The following LARP4B variants were observed in gnomAD, a reference collection of about 807,000 sequenced individuals.
The protein encoded by LARP4B is La ribonucleoprotein 4B.
In LARP4B, 12 loss-of-function variants were observed where a neutral mutation model predicts 89.8. That is an observed-to-expected ratio of 0.13 (90% confidence interval 0.09 to 0.22). The LOEUF (loss-of-function observed/expected upper bound fraction) is 0.22, where lower values mean the gene tolerates loss of function less well. Ranked by LOEUF, LARP4B falls within the 10% of genes least tolerant of loss-of-function variation. The probability of loss-of-function intolerance (pLI) is 1.00; values close to 1 mark genes in which losing one functional copy is unlikely to be tolerated. For missense variants in LARP4B, 757 were observed against 947.7 expected (o/e 0.80, Z 2.64); for synonymous variants, 367 against 363.3 (o/e 1.01, Z -0.12).
chr10:984,472 T>C, the LARP4B span, among the ~76,000 whole-genome samples: 13 of 152,176 alleles, frequency 8.5e-5, no homozygotes, highest in Non-Finnish European at 1.5e-4. Context: ...AGTGTGTCAA[T>C]AGAATGACTC....
the LARP4B span, among the ~76,000 whole-genome samples, chr10:967,318 T>G: frequency 2.0e-5 from 3 of 151,874 alleles, no homozygotes; most frequent in Non-Finnish European, 4.4e-5. Context: ...ATTGAACCCA[T>G]GAAACAAGAA....
At chr10:965,071 G>A in the LARP4B span, among the ~76,000 whole-genome samples, 1 of 152,330 alleles carries the variant, frequency 6.6e-6, no homozygotes, top group East Asian at 1.9e-4. Context: ...GGGTCAGGCC[G>A]GGAGTGGACG....
the LARP4B span, chr10:985,824 C>A: frequency 6.6e-6 from 1 of 152,274 alleles, no homozygotes; most frequent in African/African-American, 2.4e-5. Flanking sequence ...CGGAGTTCCA[C>A]AGTCACTGTG....
the LARP4B span, among the ~76,000 whole-genome samples, chr10:950,445 A>C: frequency 6.6e-6 from 1 of 152,198 alleles, no homozygotes; most frequent in African/African-American, 2.4e-5. Flanking sequence ...TGAGTCCATC[A>C]CTTTATTCCT....
the LARP4B span, chr10:985,079 T>A: frequency 1.3e-5 from 2 of 152,214 alleles, no homozygotes; most frequent in African/African-American, 4.8e-5. Context: ...TCTCTCCAGC[T>A]GTGTGACGGT....
rs570865201 is a variant in LARP4B, at chr10:849,063, C to A, written c.431-4008G>T. Among the ~76,000 whole-genome samples, 4 of 152,102 alleles carry A rather than the reference C, an allele frequency of 2.6e-5. 1 individual carries two copies. Among genetic ancestry groups the A allele is most frequent in the Admixed American group, 2.6e-4 (4 of 15,256 alleles). ...ATGCTGTGCTCTATGTGAAGCAGCA[C>A]GCAGCCACCTCAAGGTAGACTGTGT... On this transcript the variant is annotated intron_variant, in intron 5 of 17. Coordinates refer to ENST00000316157, the MANE Select transcript of LARP4B (RefSeq NM_015155.3).
intron 1 of LARP4B, among the ~76,000 whole-genome samples, chr10:892,902 ATTTTTTTTTT>A (rs56051964): frequency 2.5e-5 from 3 of 117,950 alleles, no homozygotes; most frequent in Non-Finnish European, 3.3e-5. Context: ...ACCAAGAGAA[ATTTTTTTTTT>A]TTTTTTTTTT....
chr10:919,537 G>C (rs990696308), intron 1 of LARP4B, among the ~76,000 whole-genome samples: 2 of 152,160 alleles, frequency 1.3e-5, no homozygotes, highest in African/African-American at 4.8e-5. Flanking sequence ...TGAATTACAA[G>C]TCCAATACAT....
intron 1 of LARP4B, among the ~76,000 whole-genome samples, chr10:917,613 T>C (rs976803113): frequency 2.0e-5 from 3 of 152,210 alleles, no homozygotes; most frequent in African/African-American, 7.2e-5. Flanking sequence ...GTGCAGCAAG[T>C]AAAACAATCT....
intron 1 of LARP4B, among the ~76,000 whole-genome samples, chr10:909,863 T>C (rs1174911942): frequency 3.3e-5 from 5 of 152,134 alleles, no homozygotes; most frequent in African/African-American, 1.2e-4. Flanking sequence ...GACAATTACC[T>C]AAGACATAGC....
At chr10:940,957 G>A in the LARP4B span, among the ~76,000 whole-genome samples, 1 of 152,068 alleles carries the variant, frequency 6.6e-6, no homozygotes, top group Non-Finnish European at 1.5e-5. Context: ...GGAGAGGTGA[G>A]TGTTGGCCAG....
rs371090219 is a variant in LARP4B, at chr10:833,532, T to A, written c.751-2555A>T. Among the ~76,000 whole-genome samples the A allele has an allele frequency of 5.9e-5, 9 of 152,194 alleles. No individual in the cohort carries two copies. The East Asian group carries it at 9.7e-4, about 16-fold the overall frequency. On this transcript the variant is annotated intron_variant, in intron 8 of 17. Coordinates refer to ENST00000316157, the MANE Select transcript of LARP4B (RefSeq NM_015155.3). ...GAAAACAAACAGCAAGATGATAAAT[T>A]TAAATTTAATCACATCATTACATCA...
chr10:823,727 C>T (rs1832474517), intron 13 of LARP4B, among the ~76,000 whole-genome samples: 1 of 151,970 alleles, frequency 6.6e-6, no homozygotes, highest in Admixed American at 6.6e-5. Flanking sequence ...CCTCCTCCCT[C>T]CAAGCGTCTG....
chr10:838,623 G>A (rs775194759), intron 7 of LARP4B, among the ~76,000 whole-genome samples: 3 of 152,184 alleles, frequency 2.0e-5, no homozygotes, highest in Admixed American at 6.5e-5. Context: ...AAATGCTGCC[G>A]AGGATGTGGA....
At chr10:838,460 T>C (rs1564395985) in intron 7 of LARP4B, among the ~76,000 whole-genome samples, 1 of 152,122 alleles carries the variant, frequency 6.6e-6, no homozygotes, top group Non-Finnish European at 1.5e-5. Flanking sequence ...GCAGAAGACC[T>C]GGACAGACAC....
At chr10:896,715 A>G (rs1026185648) in intron 1 of LARP4B, among the ~76,000 whole-genome samples, 2 of 152,206 alleles carry the variant, frequency 1.3e-5, no homozygotes, top group African/African-American at 4.8e-5. Context: ...CATATAATAA[A>G]CTCAAGCTTT....
At chr10:966,208 A>G in the LARP4B span, among the ~76,000 whole-genome samples, 8 of 152,140 alleles carry the variant, frequency 5.3e-5, no homozygotes, top group Non-Finnish European at 1.2e-4. Context: ...TGATTCCAGC[A>G]CATCGGGAGG....
the LARP4B span, among the ~76,000 whole-genome samples, chr10:975,309 A>G: frequency 1.3e-5 from 2 of 152,188 alleles, no homozygotes; most frequent in Non-Finnish European, 2.9e-5. Context: ...GTCCTGATGC[A>G]GCAATAGTGA....
intron 1 of LARP4B, among the ~76,000 whole-genome samples, chr10:925,394 T>C (rs962253162): frequency 2.0e-5 from 3 of 152,260 alleles, no homozygotes; most frequent in Middle Eastern, 3.4e-3. Flanking sequence ...AAATAAAAAA[T>C]GGAAAAACAT....
Sources: allele counts gnomAD v4.1 joint callset (sites outside exome capture counted in the v4.1 genomes callset), GRCh38; gene constraint gnomAD v4.1.1; transcripts MANE v1.5; gene names NCBI Gene and HGNC (gene_info 2026-07-23, HGNC 2026-07-21).